FDXR: variants seen among roughly 807,000 people sequenced by gnomAD.
The protein encoded by FDXR is ferredoxin reductase, also known as NADPH:adrenodoxin oxidoreductase, mitochondrial.
In FDXR, 38 loss-of-function variants were observed where a neutral mutation model predicts 58.3. That is an observed-to-expected ratio of 0.65 (90% confidence interval 0.50 to 0.85). The LOEUF (loss-of-function observed/expected upper bound fraction) is 0.85, where lower values mean the gene tolerates loss of function less well. Ranked by LOEUF, FDXR falls within the 40% of genes least tolerant of loss-of-function variation. The pLI, the probability that FDXR is intolerant of heterozygous loss-of-function variation, is 0.00. For missense variants in FDXR, 624 were observed against 671.0 expected (o/e 0.93, Z 0.77); for synonymous variants, 275 against 273.8 (o/e 1.00, Z -0.04).
At chr17:74,866,632 A>C (rs2038196035) in intron 3 of FDXR, 64 bp from the exon 4 acceptor site, 2 of 1,606,142 alleles carry the variant, frequency 1.2e-6, no homozygotes, top group South Asian at 1.1e-5. Flanking sequence ...CCAAGTCTGC[A>C]CCACCCTCAC....
chr17:74,867,306 C>CAAAA (rs56079045), intron 2 of FDXR, among the ~76,000 whole-genome samples: 5 of 16,542 alleles, frequency 3.0e-4, no homozygotes, highest in African/African-American at 9.6e-4. Flanking sequence ...GACTCTGTCT[C>CAAAA]AAAAAAAAAA....
At chr17:74,865,021 G>A (rs2144654227) in intron 6 of FDXR, 90 bp from the exon 7 acceptor site, 2 of 1,586,362 alleles carry the variant, frequency 1.3e-6, no homozygotes, top group Non-Finnish European at 1.7e-6. Context: ...TGGGCCTGGA[G>A]AAGGCTGGCG....
At chr17:74,871,943 C>T in intron 2 of FDXR, 93 bp downstream of exon 2, 1 of 914,768 alleles carries the variant, frequency 1.1e-6, no homozygotes. Flanking sequence ...CCCCATAAGG[C>T]AACCAGGAGT....
In FDXR at chr17:74,862,720, G is replaced by T; in HGVS notation, c.*97C>A. On this transcript the variant is annotated 3_prime_UTR_variant, in exon 12 of 12. Transcript: ENST00000293195. Reference sequence around the variant, plus strand: ...CAAGCCTCCAAGCCAGGGCCGGCCGGGATCAGCAGAGGTGCAAAGTCCCAC... The same window carrying T: ...CAAGCCTCCAAGCCAGGGCCGGCCGTGATCAGCAGAGGTGCAAAGTCCCAC... 6.8e-7 allele frequency: 1 copy of T among 1,460,106 alleles called. No individual in the cohort carries two copies. The highest frequency in any genetic ancestry group is 2.3e-5 in the East Asian group (1 of 43,100). The allele number at this position is 1,460,106 out of a possible 1,614,324, so 90.4% of individuals were successfully genotyped here.
At position 74,866,528 on chromosome 17, in the gene FDXR, C is replaced by G. The variant is rs767404506; in HGVS notation, c.311G>C (p.Arg104Pro). ...CTCCACGTTGCCCCAGAAGGCACAG[C>G]GGCCAGAATGGGCCGTCTGGGTAAA... The part of the protein sequence containing the change: ...NTFTQTAHSG[R>P]CAFWGNVEVG... The change falls in exon 4 of 12, where the codon CGC (arginine) becomes CCC (proline). Residue 104 changes from arginine (R) to proline (P), a missense_variant. Physicochemically the swap from Arg to Pro is moderately radical, Grantham distance 103. Transcript: ENST00000293195. The G allele has an allele frequency of 2.5e-6, 4 of 1,613,756 alleles. No individual in the cohort carries two copies.
Position 74,864,943 on chromosome 17 carries a change from G to T in FDXR, c.610-12C>A, listed in dbSNP as rs148950642. ...GTGATGTCCGTTCTCTGGCACAAAAGGAGGGCCTTGGAGTCATCAGACACT... is the reference window on the plus strand; with the variant it reads ...GTGATGTCCGTTCTCTGGCACAAAATGAGGGCCTTGGAGTCATCAGACACT... On this transcript the variant is annotated splice_polypyrimidine_tract_variant and intron_variant, in intron 6 of 11. Coordinates refer to ENST00000293195, the MANE Select transcript of FDXR (RefSeq NM_024417.5). 8.8e-5 allele frequency: 142 copies of T among 1,614,102 alleles called. 2 individuals are homozygous for T. The African/African-American group carries it at 1.8e-3, about 21-fold the overall frequency.
At chr17:74,870,547 C>A (rs1172667173) in intron 2 of FDXR, among the ~76,000 whole-genome samples, 1 of 142,900 alleles carries the variant, frequency 7.0e-6, no homozygotes, top group East Asian at 2.1e-4. Context: ...AAGAACACTG[C>A]CTGGAAAGCT....
At chr17:74,870,052 C>T (rs1048940854) in intron 2 of FDXR, 2 of 426,842 alleles carry the variant, frequency 4.7e-6, no homozygotes, top group South Asian at 3.1e-5. Flanking sequence ...CTGTCCCAAA[C>T]GTGCTGCATG....
intron 2 of FDXR, chr17:74,868,707 C>T: frequency 6.5e-7 from 1 of 1,528,626 alleles, no homozygotes; most frequent in Non-Finnish European, 8.8e-7. Flanking sequence ...CCTTCCTTCC[C>T]TCCCTCCTGT....
intron 2 of FDXR, among the ~76,000 whole-genome samples, chr17:74,870,797 CT>C (rs200476203): frequency 9.5e-4 from 84 of 88,462 alleles, no homozygotes; most frequent in Middle Eastern, 8.5e-3. Flanking sequence ...CACTGTCTCT[CT>C]TTTTTTTTTT....
chr17:74,864,113 G>A, intron 9 of FDXR, 35 bp downstream of exon 9: 1 of 1,613,314 alleles, frequency 6.2e-7, no homozygotes, highest in Non-Finnish European at 8.5e-7. Flanking sequence ...GCAGAGGCCT[G>A]GGAAGGGGGT....
chr17:74,863,782 C>G, intron 10 of FDXR, 114 bp downstream of exon 10: 20 of 1,365,556 alleles, frequency 1.5e-5, no homozygotes, highest in Non-Finnish European at 1.9e-5. Context: ...AGGGCCTGCC[C>G]TGCAGAAGCT....
Position 74,863,141 on chromosome 17 carries a change from G to A in FDXR, c.1280C>T (p.Ala427Val). 1 of 1,613,778 alleles carries A rather than the reference G, an allele frequency of 6.2e-7. No homozygotes were observed. The change falls in exon 11 of 12, where the codon GCT becomes GTT. Residue 427 changes from alanine to valine, a missense_variant. Transcript: ENST00000293195. ...TGQMLLQDLK[A>V]GLLPSGPRPG... ...CCTGGGGCCAGAGGGGAGCAACCCA[G>A]CCTTCAGGTCCTGCAGCAGCATCTG...
Position 74,864,355 on chromosome 17 carries a change from C to T in FDXR, c.803-8G>A, listed in dbSNP as rs2038090784. ...TCCTCGGGCGGGGGACCTCTGTCAG[C>T]AACGTAGAATGTCTCCAGGCTGTCC... On this transcript the variant is annotated splice_polypyrimidine_tract_variant and splice_region_variant and intron_variant, in intron 8 of 11. Transcript: ENST00000293195. 1 of 1,577,302 alleles carries T rather than the reference C, an allele frequency of 6.3e-7. No individual in the cohort carries two copies. Among genetic ancestry groups the T allele is most frequent in the Admixed American group, 1.8e-5 (1 of 56,208 alleles).
chr17:74,870,487 A>C (rs1169488336), intron 2 of FDXR, among the ~76,000 whole-genome samples: 3 of 123,580 alleles, frequency 2.4e-5, no homozygotes, highest in Non-Finnish European at 4.7e-5. Flanking sequence ...ACTGCACTCC[A>C]GCCTGGGCGA....
chr17:74,866,732 T>A (rs2038199802), intron 3 of FDXR, 52 bp downstream of exon 3: 4 of 1,606,018 alleles, frequency 2.5e-6, no homozygotes, highest in African/African-American at 2.7e-5. Context: ...CCTGCCCTCC[T>A]CATCTTGACC....
rs2038277743 is a variant in FDXR at position 74,868,747 on chromosome 17, A to G, written c.178-1871T>C. The G allele has an allele frequency of 4.0e-6, 6 of 1,497,116 alleles. No individual in the cohort carries two copies. The South Asian group carries it at 6.5e-5, about 16-fold the overall frequency. The allele number at this position is 1,497,116 out of a possible 1,614,324, so 92.7% of individuals were successfully genotyped here. On this transcript the variant is annotated intron_variant, in intron 2 of 11. Transcript: ENST00000293195. ...CTAGCTGCTCCCCGCTAACAAGGACATTCTCTGAGGTTCTTCCGATTGGCC... is the reference window on the plus strand; with the variant it reads ...CTAGCTGCTCCCCGCTAACAAGGACGTTCTCTGAGGTTCTTCCGATTGGCC...
chr17:74,871,319 A>T (rs966003068), intron 2 of FDXR, among the ~76,000 whole-genome samples: 1 of 152,136 alleles, frequency 6.6e-6, no homozygotes, highest in African/African-American at 2.4e-5. Context: ...CATTTCAAGC[A>T]TCTGTGTGTG....
Position 74,872,855 on chromosome 17 carries a change from C to T in FDXR, c.79+11G>A. ...CGCTCCCATCCAGCCCCAAAGGCGC[C>T]CTGCTCCTACTCGGGGTGCTCCCGG... On this transcript the variant is annotated intron_variant, in intron 1 of 11. Coordinates refer to ENST00000293195, the MANE Select transcript of FDXR (RefSeq NM_024417.5). The T allele has an allele frequency of 1.3e-6, 2 of 1,546,494 alleles. No homozygotes were observed. The highest frequency in any genetic ancestry group is 8.7e-7 in the Non-Finnish European group (1 of 1,146,748).
Sources: gnomAD v4.1 joint callset for allele counts (sites outside exome capture counted in the v4.1 genomes callset) on GRCh38, gnomAD v4.1.1 for gene constraint, MANE v1.5 for transcripts, NCBI Gene and HGNC (gene_info 2026-07-23, HGNC 2026-07-21) for gene names.